The following ASPG variants were observed in gnomAD, a reference collection of about 807,000 sequenced individuals.
The protein encoded by ASPG is asparaginase.
In ASPG, 53 loss-of-function variants were observed where a neutral mutation model predicts 63.2. The ratio of observed to expected loss-of-function variants is 0.84; its 90% CI spans 0.67 to 1.05. The LOEUF (loss-of-function observed/expected upper bound fraction) is 1.05, where lower values mean the gene tolerates loss of function less well. ASPG is among the 50% of genes least tolerant of loss of function. The pLI, the probability that ASPG is intolerant of heterozygous loss-of-function variation, is 0.00. For synonymous variants in ASPG, 370 were observed against 355.0 expected (o/e 1.04, Z -0.48); for missense variants, 741 against 794.4 (o/e 0.93, Z 0.81).
chr14:104,105,904 G>C (rs2037104489), intron 10 of ASPG, among the ~76,000 whole-genome samples: 1 of 152,334 alleles, frequency 6.6e-6, no homozygotes, highest in African/African-American at 2.4e-5. Flanking sequence ...TCGAGGCCTG[G>C]GGTCTGCAGG....
chr14:104,090,426 G>T (rs2036333533), intron 1 of ASPG, among the ~76,000 whole-genome samples: 2 of 152,248 alleles, frequency 1.3e-5, no homozygotes, highest in Non-Finnish European at 2.9e-5. Flanking sequence ...TTTGTTTCCT[G>T]TGGCCACTGT....
intron 1 of ASPG, among the ~76,000 whole-genome samples, chr14:104,088,132 C>T (rs781732132): frequency 3.9e-5 from 6 of 152,310 alleles, no homozygotes; most frequent in East Asian, 1.9e-4. Context: ...GACTGTCAGG[C>T]GTCAATGATT....
intron 12 of ASPG, 86 bp downstream of exon 12, chr14:104,107,431 G>A (rs1334450679): frequency 2.4e-6 from 3 of 1,272,696 alleles, no homozygotes; most frequent in Non-Finnish European, 3.0e-6. Flanking sequence ...AGCCTCCCGG[G>A]GCTGGGCTGG....
chr14:104,097,116 G>A (rs1294479267), intron 4 of ASPG, among the ~76,000 whole-genome samples: 1 of 151,658 alleles, frequency 6.6e-6, no homozygotes, highest in African/African-American at 2.4e-5. Context: ...GAGCTGGGCA[G>A]GGCAGCTGCG....
chr14:104,099,017 T>C lies in ASPG; in HGVS notation c.640+38T>C, dbSNP rs377303702. 1.5e-5 allele frequency: 23 copies of C among 1,545,960 alleles called. No individual in the cohort carries two copies. The East Asian group carries it at 1.7e-4, about 11-fold the overall frequency. Reference sequence around the variant, plus strand: ...GGAGCAGGGCCAGGTGCCTGCCCAGTGCTGGTGCTGGGCGAGGGGCTGCTG... The same window carrying C: ...GGAGCAGGGCCAGGTGCCTGCCCAGCGCTGGTGCTGGGCGAGGGGCTGCTG... On this transcript the variant is annotated intron_variant, in intron 6 of 15. Coordinates refer to ENST00000551177, the MANE Select transcript of ASPG (RefSeq NM_001080464.3).
chr14:104,111,992 C>T lies in ASPG; in HGVS notation c.1693C>T (p.Pro565Ser). 1 of 1,554,280 alleles carries T rather than the reference C, an allele frequency of 6.4e-7. No individual in the cohort carries two copies. Among genetic ancestry groups the T allele is most frequent in the Admixed American group, 1.9e-5 (1 of 51,594 alleles). Residue 565 changes from proline to serine, a missense_variant, in exon 15 of 16, where the codon CCA (proline) becomes TCA (serine). Transcript: ENST00000551177. ...GGAGGGTGCGGTTGGTGCCCAGGCC[C>T]CATGCCCAGTAAGTCCCCACCCCAG... ...SLEGAVGAQA[P>S]CPEVLPGV
At position 104,105,104 on chromosome 14, in the gene ASPG, G is replaced by A. The variant is rs997297916; in HGVS notation, c.1051-224G>A. On this transcript the variant is annotated intron_variant, in intron 9 of 15. Transcript: ENST00000551177. ...GGTTGCCAGCCTCTGGGGCTGGACG[G>A]AGGCTTTTGGGGCCCCTGGAGACCC... The A allele has an allele frequency of 1.5e-5, 10 of 659,340 alleles. No individual in the cohort carries two copies. In the African/African-American group the frequency reaches 1.8e-4, roughly 12 times the overall value. 40.8% of individuals were successfully genotyped at this position (659,340 alleles called of 1,614,324 possible).
intron 6 of ASPG, among the ~76,000 whole-genome samples, 153 bp from the exon 7 acceptor site, chr14:104,103,410 G>A (rs539889395): frequency 1.4e-3 from 220 of 152,380 alleles, no homozygotes; most frequent in Middle Eastern, 3.4e-3. Context: ...ATTTGCCTGC[G>A]GGAGAGGAGG....
chr14:104,086,984 G>A (rs1004302532), intron 1 of ASPG, among the ~76,000 whole-genome samples: 9 of 81,174 alleles, frequency 1.1e-4, no homozygotes, highest in African/African-American at 3.9e-4. Flanking sequence ...CCCCTCTCAC[G>A]GCCTGTTCCC....
chr14:104,103,686 C>T lies in ASPG; in HGVS notation c.753+11C>T. ...ATCCCTGCCGCCCTGGTAGGGACCG[C>T]CCCGGCCATCCTGCCCCTGCAGCCC... On this transcript the variant is annotated intron_variant, in intron 7 of 15. Coordinates refer to ENST00000551177, the MANE Select transcript of ASPG (RefSeq NM_001080464.3). 1 of 1,544,200 alleles carries T rather than the reference C, an allele frequency of 6.5e-7. No homozygotes were observed. Among genetic ancestry groups the T allele is most frequent in the Non-Finnish European group, 8.7e-7 (1 of 1,144,144 alleles).
chr14:104,089,786 T>TA (rs535414638), intron 1 of ASPG, among the ~76,000 whole-genome samples: 1,968 of 151,670 alleles, frequency 0.013, 12 homozygotes, highest in Middle Eastern at 0.017. Flanking sequence ...CCGTCTCTAC[T>TA]AAAAATAAAA....
chr14:104,101,625 G>A (rs955258657), intron 6 of ASPG, among the ~76,000 whole-genome samples: 3 of 152,226 alleles, frequency 2.0e-5, no homozygotes, highest in Non-Finnish European at 4.4e-5. Context: ...GGCCCTTGGA[G>A]CAGAGGAGGG....
chr14:104,111,656 C>A, intron 14 of ASPG, 55 bp downstream of exon 14: 1 of 1,427,972 alleles, frequency 7.0e-7, no homozygotes, highest in Non-Finnish European at 9.6e-7. Flanking sequence ...CCAGGAAGGA[C>A]ACCTGGACAA....
chr14:104,096,473 A>G (rs1286845974), intron 4 of ASPG, among the ~76,000 whole-genome samples: 2 of 152,060 alleles, frequency 1.3e-5, no homozygotes, highest in Non-Finnish European at 2.9e-5. Context: ...TTGTCCCTCC[A>G]GAGTCTCCCC....
intron 15 of ASPG, 166 bp from the exon 16 acceptor site, chr14:104,112,358 G>T: frequency 1.5e-6 from 1 of 659,234 alleles, no homozygotes. Flanking sequence ...CCAGTTCCCA[G>T]CTGACACCCC....
At chr14:104,111,273 T>G in intron 13 of ASPG, 27 of 871,966 alleles carry the variant, frequency 3.1e-5, no homozygotes, top group Non-Finnish European at 3.4e-5. Flanking sequence ...TCATGTATGT[T>G]TGCGCATGTG....
At chr14:104,092,785 G>A in intron 2 of ASPG, 44 bp downstream of exon 2, 1 of 1,483,150 alleles carries the variant, frequency 6.7e-7, no homozygotes, top group Non-Finnish European at 9.1e-7. Context: ...CATGGCTGCT[G>A]AGGGGCACCG....
In ASPG at chr14:104,109,271, C is replaced by T; in HGVS notation, c.1476C>T (p.Ser492=). 1 of 1,613,134 alleles carries T rather than the reference C, an allele frequency of 6.2e-7. No homozygotes were observed. The highest frequency in any genetic ancestry group is 8.5e-7 in the Non-Finnish European group (1 of 1,179,748). ...VIGLLREAGA[S]LSTQELEEAG... is the part of the protein sequence containing the mutation. ...GGTTGCTGCGGGAAGCCGGGGCCTC[C>T]CTGTCCACCCAGGAGCTGGAGGAAG... Residue 492 remains serine, a synonymous_variant, in exon 13 of 16, where the codon TCC becomes TCT. Transcript: ENST00000551177. The surrounding 1 kb of genome is among the most constrained non-coding windows in gnomAD (Gnocchi z 4.8).
chr14:104,111,656 C>T lies in ASPG; in HGVS notation c.1620+55C>T, dbSNP rs943969250. ...CAAAGGCTGCCACCTCCAGGAAGGA[C>T]ACCTGGACAATTCACCAGCTCACTG... On this transcript the variant is annotated intron_variant, in intron 14 of 15. Transcript: ENST00000551177. 4 of 1,427,864 alleles carry T rather than the reference C, an allele frequency of 2.8e-6. No individual in the cohort carries two copies. In the African/African-American group the frequency reaches 4.3e-5, roughly 15 times the overall value. The allele number at this position is 1,427,864 out of a possible 1,614,324, so 88.4% of individuals were successfully genotyped here. A position where few individuals can be genotyped will look rare whatever the true frequency, so the allele number is the denominator to read the frequency against.
Sources: allele counts gnomAD v4.1 joint callset (sites outside exome capture counted in the v4.1 genomes callset), GRCh38; gene constraint gnomAD v4.1.1; non-coding constraint Gnocchi (gnomAD v3.1); transcripts MANE v1.5; gene names NCBI Gene and HGNC (gene_info 2026-07-23, HGNC 2026-07-21).